TMEM67: variants seen among roughly 807,000 people sequenced by gnomAD.
TMEM67 encodes transmembrane protein 67, also known as meckelin.
Under a neutral mutation model 136.6 loss-of-function variants are expected in TMEM67, and 124 were observed. That is an observed-to-expected ratio of 0.91 (90% CI 0.78 to 1.05). TMEM67 has a LOEUF of 1.05. TMEM67 is among the 50% of genes least tolerant of loss of function. The pLI is 0.00. For missense variants in TMEM67, 1,107 were observed against 1,178.4 expected (o/e 0.94, Z 0.89); for synonymous variants, 364 against 390.5 (o/e 0.93, Z 0.80).
intron 26 of TMEM67, among the ~76,000 whole-genome samples, chr8:93,812,614 G>A (rs1808744224): frequency 6.6e-6 from 1 of 152,184 alleles, no homozygotes; most frequent in African/African-American, 2.4e-5. Context: ...GAACTTTAGT[G>A]CCTTCTTTGT....
chr8:93,767,863 CTT>C (rs200241819), intron 6 of TMEM67, among the ~76,000 whole-genome samples: 57,609 of 109,112 alleles, frequency 0.53, 13,304 homozygotes, highest in East Asian at 0.74. Context: ...TTTCTTTTTT[CTT>C]TTTTTTTTTT....
downstream of TMEM67, among the ~76,000 whole-genome samples, chr8:93,822,327 C>T (rs1809052744): frequency 6.6e-6 from 1 of 152,180 alleles, no homozygotes; most frequent in South Asian, 2.1e-4. Context: ...AAGTTAAAAA[C>T]TTAAAATACC....
chr8:93,773,991 T>C lies in TMEM67; in HGVS notation c.714+1340T>C, dbSNP rs192319450. ...AAGGTTTTAACAAGCAAAAGAATAATAAAAAAAATTATTAGTAAAATAGGT... is the reference window on the plus strand; with the variant it reads ...AAGGTTTTAACAAGCAAAAGAATAACAAAAAAAATTATTAGTAAAATAGGT... On this transcript the variant is annotated intron_variant, in intron 7 of 27. Coordinates refer to ENST00000453321, the MANE Select transcript of TMEM67 (RefSeq NM_153704.6). Among the ~76,000 whole-genome samples the C allele has an allele frequency of 4.8e-3, 737 of 151,974 alleles. 8 individuals are homozygous for C. Among genetic ancestry groups the C allele is most frequent in the South Asian group, 0.045 (218 of 4,810 alleles).
intron 3 of TMEM67, among the ~76,000 whole-genome samples, chr8:93,761,170 A>G (rs1020961716): frequency 6.6e-6 from 1 of 152,162 alleles, no homozygotes; most frequent in South Asian, 2.1e-4. Context: ...ATGGTGGCAC[A>G]TGCCTGTAAT....
chr8:93,773,478 G>A (rs1284489298), intron 7 of TMEM67, among the ~76,000 whole-genome samples: 1 of 152,204 alleles, frequency 6.6e-6, no homozygotes, highest in Non-Finnish European at 1.5e-5. Context: ...GAGTATTACA[G>A]TAATCTGAGT....
rs1563470934 is a variant in TMEM67 at position 93,795,845 on chromosome 8, A to C, written c.1774-56A>C. On this transcript the variant is annotated intron_variant, in intron 17 of 27. Transcript: ENST00000453321. ...ACAAAAACGAAAACAAAAAACAAAC[A>C]AACAAACAAAAAAAACTGTGTGTGA... is the stretch of plus-strand genomic sequence containing the variant. 6 of 1,375,880 alleles carry C rather than the reference A, an allele frequency of 4.4e-6. No homozygotes were observed. The South Asian group carries it at 6.2e-5, about 14-fold the overall frequency. 85.2% of individuals were successfully genotyped at this position (1,375,880 alleles called of 1,614,324 possible). A position where few individuals can be genotyped will look rare whatever the true frequency, so the allele number is the denominator to read the frequency against.
In TMEM67 at chr8:93,780,722, A is replaced by T; in HGVS notation, c.844A>T (p.Ser282Cys). 1 of 1,613,998 alleles carries T rather than the reference A, an allele frequency of 6.2e-7. No homozygotes were observed. Among genetic ancestry groups the T allele is most frequent in the Non-Finnish European group, 8.5e-7 (1 of 1,180,036 alleles). The change falls in exon 8 of 28, where the codon AGC becomes TGC. Residue 282 changes from serine (S) to cysteine (C), a missense_variant. Around this residue, in one of 3 missense-constraint regions of TMEM67, gnomAD observed 925 missense variants for 1,002.4 expected, o/e 0.92. Transcript: ENST00000453321. ...QFIFENTAGL[S>C]TVHSISFWRQ... ...TATCTTTGAAAATACTGCTGGACTGAGCACTGTTCATTCTATTTCATTTTG... is the reference window on the plus strand; with the variant it reads ...TATCTTTGAAAATACTGCTGGACTGTGCACTGTTCATTCTATTTCATTTTG...
chr8:93,829,778 T>C, the TMEM67 span, among the ~76,000 whole-genome samples: 3 of 152,310 alleles, frequency 2.0e-5, no homozygotes, highest in East Asian at 5.8e-4. Context: ...AGCCAGTTCC[T>C]GGCTCATAAC....
downstream of TMEM67, among the ~76,000 whole-genome samples, chr8:93,820,361 T>G (rs1809024350): frequency 6.6e-6 from 1 of 152,170 alleles, no homozygotes; most frequent in Non-Finnish European, 1.5e-5. Flanking sequence ...GTCACATCAT[T>G]AAAGGTTTTT....
chr8:93,769,863 A>G (rs1464380030), intron 6 of TMEM67, among the ~76,000 whole-genome samples: 1 of 152,214 alleles, frequency 6.6e-6, no homozygotes, highest in Non-Finnish European at 1.5e-5. Context: ...CATTCTTCCT[A>G]ATTGGAAAAG....
In TMEM67 at chr8:93,785,277, A is replaced by G; in HGVS notation, c.1187A>G (p.Asp396Gly). ...GACTTTCCCACTCCTATATTTTATG[A>G]TGTGTACCTTGAATATACTGATGAA... ...LIDFPTPIFY[D>G]VYLEYTDENQ... Residue 396 changes from aspartate (D) to glycine (G), a missense_variant, in exon 12 of 28, where the codon GAT (aspartate) becomes GGT (glycine). Asp to Gly is a moderately conservative substitution (Grantham distance 94). Transcript: ENST00000453321. The G allele has an allele frequency of 6.2e-7, 1 of 1,602,786 alleles. No homozygotes were observed. The highest frequency in any genetic ancestry group is 8.5e-7 in the Non-Finnish European group (1 of 1,170,446).
intron 22 of TMEM67, 47 bp downstream of exon 22, chr8:93,803,731 A>G: frequency 8.7e-7 from 1 of 1,144,760 alleles, no homozygotes; most frequent in Admixed American, 1.7e-5. Context: ...TTCCCTTTTT[A>G]AAGGTCATGA....
At chr8:93,769,853 C>T (rs1813254874) in intron 6 of TMEM67, among the ~76,000 whole-genome samples, 1 of 152,210 alleles carries the variant, frequency 6.6e-6, no homozygotes, top group South Asian at 2.1e-4. Context: ...CCATAACATA[C>T]ATTCTTCCTA....
chr8:93,830,565 G>C, the TMEM67 span, among the ~76,000 whole-genome samples: 73 of 152,324 alleles, frequency 4.8e-4, no homozygotes, highest in African/African-American at 1.7e-3. Context: ...GGGGTACCAG[G>C]TTGGTGTCCG....
intron 18 of TMEM67, among the ~76,000 whole-genome samples, chr8:93,796,902 G>A (rs1814644434): frequency 6.6e-6 from 1 of 152,056 alleles, no homozygotes; most frequent in African/African-American, 2.4e-5. Context: ...AAGAAAGAAA[G>A]AAAAAGGGAA....
chr8:93,799,933 A>G (rs1214988798), intron 21 of TMEM67, among the ~76,000 whole-genome samples, 175 bp downstream of exon 21: 1 of 137,342 alleles, frequency 7.3e-6, no homozygotes, highest in Non-Finnish European at 1.5e-5. Flanking sequence ...TTTGAAACAG[A>G]GTCCCGCTCT....
chr8:93,814,203 G>C (rs1256136300), intron 26 of TMEM67, among the ~76,000 whole-genome samples: 3 of 124,818 alleles, frequency 2.4e-5, no homozygotes, highest in Non-Finnish European at 4.8e-5. Context: ...GCAGTGGCAC[G>C]ATCTCGGCTC....
chr8:93,755,750 G>GTTT, intron 1 of TMEM67, 28 bp from the exon 2 acceptor site: 1 of 1,001,046 alleles, frequency 1.0e-6, no homozygotes. Context: ...GATAAAATTG[G>GTTT]CTTTTTTTTT....
chr8:93,807,527 T>G (rs2130772483), intron 23 of TMEM67, among the ~76,000 whole-genome samples: 1 of 152,246 alleles, frequency 6.6e-6, no homozygotes, highest in African/African-American at 2.4e-5. Context: ...TTTTATGCTA[T>G]TTATATGTAC....
Sources: allele counts gnomAD v4.1 joint callset (sites outside exome capture counted in the v4.1 genomes callset), GRCh38; gene constraint gnomAD v4.1.1; regional missense constraint gnomAD v4.1.1; transcripts MANE v1.5; gene names NCBI Gene and HGNC (gene_info 2026-07-23, HGNC 2026-07-21).